Variants in DISP1 observed in about 807,000 individuals in gnomAD.
The protein encoded by DISP1 is protein dispatched homolog 1.
DISP1 carries 30 observed loss-of-function variants against 37.3 expected under a neutral mutation model. That is an observed-to-expected ratio of 0.80 (90% confidence interval 0.60 to 1.09). The LOEUF (loss-of-function observed/expected upper bound fraction) is 1.09. Among genes scored for constraint, DISP1 ranks in the 50% least tolerant of loss-of-function variants. The pLI, the probability that DISP1 is intolerant of heterozygous loss-of-function variation, is 0.00. For missense variants in DISP1, 1,598 were observed against 1,879.5 expected (o/e 0.85, Z 2.77); for synonymous variants, 634 against 690.2 (o/e 0.92, Z 1.28).
chr1:222,973,112 G>T (rs1401894107), intron 3 of DISP1, among the ~76,000 whole-genome samples: 8 of 152,250 alleles, frequency 5.3e-5, no homozygotes, highest in South Asian at 2.1e-4. Context: ...AGTTAGCCAG[G>T]ATGCCCCATT....
chr1:222,992,588 C>T (rs1678776331), intron 7 of DISP1, among the ~76,000 whole-genome samples: 1 of 152,020 alleles, frequency 6.6e-6, no homozygotes, highest in Admixed American at 6.6e-5. Context: ...TATTAAGAGC[C>T]TTCTGTGTGT....
At chr1:222,855,765 C>G (rs1173657407) in intron 1 of DISP1, among the ~76,000 whole-genome samples, 1 of 152,062 alleles carries the variant, frequency 6.6e-6, no homozygotes, top group Non-Finnish European at 1.5e-5. Context: ...GATATTTTGA[C>G]TAATTCAAAT....
intron 1 of DISP1, among the ~76,000 whole-genome samples, chr1:222,836,758 T>TAC (rs1164788665): frequency 5.9e-4 from 84 of 142,794 alleles, no homozygotes; most frequent in Admixed American, 8.9e-4. Context: ...TATATATATA[T>TAC]ATATACACAC....
At chr1:222,966,480 G>T (rs1371534696) in intron 3 of DISP1, among the ~76,000 whole-genome samples, 1 of 152,060 alleles carries the variant, frequency 6.6e-6, no homozygotes, top group Non-Finnish European at 1.5e-5. Flanking sequence ...CTCATTAATA[G>T]GATTAAAACA....
chr1:222,928,980 G>T (rs1243812263), intron 2 of DISP1, among the ~76,000 whole-genome samples: 1 of 152,134 alleles, frequency 6.6e-6, no homozygotes, highest in Non-Finnish European at 1.5e-5. Context: ...ATGTAGAGTT[G>T]TAGGAATCAC....
chr1:222,958,952 T>G (rs1432016359), intron 3 of DISP1, among the ~76,000 whole-genome samples: 1 of 65,700 alleles, frequency 1.5e-5, no homozygotes, highest in Non-Finnish European at 3.1e-5. Flanking sequence ...GAATGTTTAG[T>G]TTTTTTTTTA....
chr1:222,996,685 T>C (rs1158595950), intron 8 of DISP1, among the ~76,000 whole-genome samples: 3 of 152,214 alleles, frequency 2.0e-5, no homozygotes, highest in Non-Finnish European at 4.4e-5. Flanking sequence ...AAATACTAAA[T>C]AGCCCATTTT....
intron 1 of DISP1, among the ~76,000 whole-genome samples, chr1:222,903,703 A>C (rs1671742392): frequency 6.6e-6 from 1 of 151,958 alleles, no homozygotes; most frequent in East Asian, 1.9e-4. Flanking sequence ...ATGTAGTGTG[A>C]CCTTAATCTA....
At chr1:222,940,142 G>GA (rs901055746) in intron 2 of DISP1, among the ~76,000 whole-genome samples, 5 of 149,956 alleles carry the variant, frequency 3.3e-5, no homozygotes, top group South Asian at 2.1e-4. Context: ...AAAAAGAAAA[G>GA]AAAAAAAAAT....
At chr1:222,840,358 T>C (rs1030834981) in intron 1 of DISP1, among the ~76,000 whole-genome samples, 1 of 151,670 alleles carries the variant, frequency 6.6e-6, no homozygotes. Flanking sequence ...TCTTGTGCCT[T>C]AGCCTCCCAA....
intron 1 of DISP1, among the ~76,000 whole-genome samples, chr1:222,841,269 G>A (rs1667599913): frequency 6.6e-6 from 1 of 151,822 alleles, no homozygotes; most frequent in Non-Finnish European, 1.5e-5. Context: ...TTATTTTTTA[G>A]TAGGATCTCA....
intron 4 of DISP1, among the ~76,000 whole-genome samples, chr1:222,984,419 A>ATATATATATATATAT (rs761912265): frequency 9.9e-6 from 1 of 101,132 alleles, no homozygotes; most frequent in African/African-American, 3.8e-5. Context: ...AAAAAAAAAA[A>ATATATATATATATAT]AAATATATAT....
intron 8 of DISP1, among the ~76,000 whole-genome samples, chr1:222,998,390 G>C (rs916954710): frequency 1.3e-5 from 2 of 151,826 alleles, no homozygotes; most frequent in African/African-American, 2.4e-5. Context: ...TAAGATCTCA[G>C]TGAGACCAGA....
chr1:222,817,225 T>C (rs1661469968), intron 1 of DISP1, among the ~76,000 whole-genome samples: 1 of 152,266 alleles, frequency 6.6e-6, no homozygotes, highest in Non-Finnish European at 1.5e-5. Context: ...TAACCAATAA[T>C]GGCAGTTTTT....
At chr1:222,948,282 A>G (rs776366106) in intron 3 of DISP1, among the ~76,000 whole-genome samples, 2 of 152,228 alleles carry the variant, frequency 1.3e-5, no homozygotes, top group African/African-American at 2.4e-5. Context: ...ACACTGAAGC[A>G]CTTTGACTCA....
chr1:222,948,382 C>T (rs1674949737), intron 3 of DISP1, among the ~76,000 whole-genome samples: 1 of 152,156 alleles, frequency 6.6e-6, no homozygotes, highest in Non-Finnish European at 1.5e-5. Flanking sequence ...AATAAAATAT[C>T]CACAGAAGCA....
At chr1:222,848,513 A>G (rs1668047738) in intron 1 of DISP1, among the ~76,000 whole-genome samples, 1 of 152,188 alleles carries the variant, frequency 6.6e-6, no homozygotes, top group Non-Finnish European at 1.5e-5. Flanking sequence ...AAAAGTTCAT[A>G]TTCTTTATAT....
At chr1:222,998,905 T>A (rs1240796854) in intron 8 of DISP1, among the ~76,000 whole-genome samples, 3 of 152,162 alleles carry the variant, frequency 2.0e-5, no homozygotes, top group Admixed American at 1.3e-4. Flanking sequence ...GAGCCCTTGC[T>A]TTTTCTTTTC....
intron 1 of DISP1, among the ~76,000 whole-genome samples, chr1:222,853,729 G>A (rs948883045): frequency 2.0e-5 from 3 of 152,122 alleles, no homozygotes; most frequent in Admixed American, 6.5e-5. Context: ...GAGAATACCA[G>A]AGGGTGGGAA....
Sources: gnomAD v4.1 joint callset for allele counts (sites outside exome capture counted in the v4.1 genomes callset) on GRCh38, gnomAD v4.1.1 for gene constraint, MANE v1.5 for transcripts, NCBI Gene and HGNC (gene_info 2026-07-23, HGNC 2026-07-21) for gene names.